ATG2A: variants seen among roughly 807,000 people sequenced by gnomAD.
The protein encoded by ATG2A is autophagy-related protein 2 homolog A.
ATG2A carries 103 observed loss-of-function variants against 214.2 expected under a neutral mutation model. That is an observed-to-expected ratio of 0.48 (90% CI 0.41 to 0.57). ATG2A has a LOEUF of 0.57. Among genes scored for constraint, ATG2A ranks in the 20% least tolerant of loss-of-function variants. The probability of loss-of-function intolerance (pLI) is 0.00; values close to 1 mark genes in which losing one functional copy is unlikely to be tolerated. For synonymous variants in ATG2A, 1,160 were observed against 1,142.1 expected, an observed-to-expected ratio of 1.02 and a Z score of -0.32; for missense variants, 2,312 against 2,613.2, an observed-to-expected ratio of 0.88 and a Z score of 2.51.
chr11:64,910,546 C>T (rs1944728333), intron 12 of ATG2A, 70 bp downstream of exon 12: 3 of 1,508,094 alleles, frequency 2.0e-6, no homozygotes, highest in African/African-American at 2.8e-5. Flanking sequence ...GCAGAGGAGG[C>T]CCTGGCAGAG....
intron 6 of ATG2A, 188 bp from the exon 7 acceptor site, chr11:64,912,611 G>A: frequency 1.7e-6 from 1 of 580,152 alleles, no homozygotes; most frequent in Non-Finnish European, 3.0e-6. Context: ...TCTTCTTTTT[G>A]AGATGGAGTT....
chr11:64,910,939 G>T lies in ATG2A; in HGVS notation c.1482C>A (p.Ala494=), dbSNP rs144361706. The T allele has an allele frequency of 2.7e-4, 443 of 1,613,200 alleles. No homozygotes were observed. The highest frequency in any genetic ancestry group is 3.5e-4 in the Non-Finnish European group (412 of 1,180,006). The stretch of plus-strand genomic sequence containing the variant: ...TCCGCAGCTCCCAGGACAGCTGCAC[G>T]GCTGTGCCCGTTAGCCTGCGGGGAA... ...PCSHVRLTGT[A]VQLSWELRTG... The change falls in exon 11 of 41, where the codon GCC becomes GCA. Residue 494 remains alanine (A), a synonymous_variant. Coordinates refer to ENST00000377264, the MANE Select transcript of ATG2A (RefSeq NM_015104.3).
intron 15 of ATG2A, 23 bp from the exon 16 acceptor site, chr11:64,909,173 C>T (rs778029458): frequency 6.2e-7 from 1 of 1,606,016 alleles, no homozygotes; most frequent in East Asian, 2.2e-5. Flanking sequence ...AGGCCTGTTA[C>T]TGGCCTGCAG....
chr11:64,916,933 G>C, intron 1 of ATG2A, 32 bp downstream of exon 1: 1 of 1,609,640 alleles, frequency 6.2e-7, no homozygotes, highest in Non-Finnish European at 8.5e-7. Context: ...CCCACCCTCC[G>C]CACCTTCCTG....
intron 12 of ATG2A, 59 bp downstream of exon 12, chr11:64,910,557 G>A: frequency 6.5e-7 from 1 of 1,535,732 alleles, no homozygotes; most frequent in Non-Finnish European, 8.8e-7. Flanking sequence ...CCTGGCAGAG[G>A]CCAGGGTGGG....
chr11:64,903,452 G>T lies in ATG2A; in HGVS notation c.3536-88C>A. 1.9e-6 allele frequency: 3 copies of T among 1,544,082 alleles called. No homozygotes were observed. The highest frequency in any genetic ancestry group is 2.3e-5 in the South Asian group (2 of 87,450). ...TGGGGGAAGGATCCGGTTGATCCAG[G>T]TGTAGTCCCTGCTGTGCGGGCTACG... On this transcript the variant is annotated intron_variant, in intron 25 of 40. Transcript: ENST00000377264. The surrounding 1 kb of genome is among the most constrained non-coding windows in gnomAD (Gnocchi z 4.2).
Position 64,907,375 on chromosome 11 carries a change from C to A in ATG2A, c.2712G>T (p.Val904=). 1 of 1,564,650 alleles carries A rather than the reference C, an allele frequency of 6.4e-7. No homozygotes were observed. Among genetic ancestry groups the A allele is most frequent in the South Asian group, 1.2e-5 (1 of 85,210 alleles). Residue 904 remains valine, a synonymous_variant, in exon 19 of 41, where the codon GTG becomes GTT. Coordinates refer to ENST00000377264, the MANE Select transcript of ATG2A (RefSeq NM_015104.3). ...SDDEDAHFFS[V]GASGGPQAAA... ...CGGCCTGTGGGCCACCTGATGCCCC[C>A]ACTGAGAAGAAGTGGGCATCCTCGT...
Position 64,913,996 on chromosome 11 carries a change from A to C in ATG2A, c.488-73T>G. 6.4e-7 allele frequency: 1 copy of C among 1,573,726 alleles called. No homozygotes were observed. The highest frequency in any genetic ancestry group is 8.6e-7 in the Non-Finnish European group (1 of 1,158,708). Reference sequence around the variant, plus strand: ...AGGCAGAATTTCCCATCTGGGCACCAGGGTGGCCGTGCCGTTGTCTGGAGC... The same window carrying C: ...AGGCAGAATTTCCCATCTGGGCACCCGGGTGGCCGTGCCGTTGTCTGGAGC... On this transcript the variant is annotated intron_variant, in intron 3 of 40. Transcript: ENST00000377264. The surrounding 1 kb of genome is among the most constrained non-coding windows in gnomAD (Gnocchi z 4.3).
chr11:64,906,106 C>T lies in ATG2A; in HGVS notation c.3264+7G>A, dbSNP rs1027768039. The T allele has an allele frequency of 1.7e-5, 26 of 1,568,224 alleles. No individual in the cohort carries two copies. Among genetic ancestry groups the T allele is most frequent in the South Asian group, 5.8e-5 (5 of 86,304 alleles). ...GGGCCATGTGGCTTCCCACCACCCACGCTCACCTGGGAATGCCAGCTCTGC... is the reference window on the plus strand; with the variant it reads ...GGGCCATGTGGCTTCCCACCACCCATGCTCACCTGGGAATGCCAGCTCTGC... On this transcript the variant is annotated splice_region_variant and intron_variant, in intron 22 of 40. Transcript: ENST00000377264.
At position 64,898,952 on chromosome 11, in the gene ATG2A, C is replaced by T. The variant is rs1344477081; in HGVS notation, c.4465-110G>A. 24 of 1,106,318 alleles carry T rather than the reference C, an allele frequency of 2.2e-5. No individual in the cohort carries two copies. The highest frequency in any genetic ancestry group is 2.9e-5 in the South Asian group (2 of 68,112). 68.5% of individuals were successfully genotyped at this position (1,106,318 alleles called of 1,614,324 possible). On this transcript the variant is annotated intron_variant, in intron 31 of 40. Coordinates refer to ENST00000377264, the MANE Select transcript of ATG2A (RefSeq NM_015104.3). The surrounding 1 kb of genome is among the most constrained non-coding windows in gnomAD (Gnocchi z 4.5). ...TTTTTGAGACAGAGTCTCACTCTGT[C>T]GCCCAGGTTGGAGTGCAGTGGCGTG...
rs773987028 is a variant in ATG2A, at chr11:64,913,852, G to A, written c.559C>T (p.Arg187Cys). ...RVEHSPGDGE[R>C]GVAVEVRVQR... is the part of the protein sequence containing the mutation. ...ACACGGACCTCGACGGCCACACCAC[G>A]TTCCCCATCACCCGGAGAGTGCTCC... The change falls in exon 4 of 41, where the codon CGT becomes TGT. Residue 187 changes from arginine (R) to cysteine (C), a missense_variant. Coordinates refer to ENST00000377264, the MANE Select transcript of ATG2A (RefSeq NM_015104.3). The surrounding 1 kb of genome is among the most constrained non-coding windows in gnomAD (Gnocchi z 4.3). 6 of 1,613,712 alleles carry A rather than the reference G, an allele frequency of 3.7e-6. No homozygotes were observed. Among genetic ancestry groups the A allele is most frequent in the African/African-American group, 1.3e-5 (1 of 74,878 alleles).
At chr11:64,905,908 C>A in intron 22 of ATG2A, 60 bp from the exon 23 acceptor site, 1 of 1,535,912 alleles carries the variant, frequency 6.5e-7, no homozygotes, top group Non-Finnish European at 9.0e-7. Context: ...CCTCCTCTAA[C>A]CCCTCCCTGT....
chr11:64,895,459 C>T lies in ATG2A; in HGVS notation c.5428-17G>A, dbSNP rs371557036. Reference sequence around the variant, plus strand: ...AGCTGTGGCCTGGGGGACATGGGAGCACTGGATGAGGACAGCTGGCTGGGG... The same window carrying T: ...AGCTGTGGCCTGGGGGACATGGGAGTACTGGATGAGGACAGCTGGCTGGGG... On this transcript the variant is annotated splice_polypyrimidine_tract_variant and intron_variant, in intron 39 of 40. Transcript: ENST00000377264. This position sits in a 1 kb window ranked among gnomAD's most constrained non-coding sequence, Gnocchi z 5.0. 134 of 1,543,758 alleles carry T rather than the reference C, an allele frequency of 8.7e-5. 1 individual carries two copies. In the African/African-American group the frequency reaches 1.6e-3, roughly 19 times the overall value.
chr11:64,902,090 C>G lies in ATG2A; in HGVS notation c.3991G>C (p.Gly1331Arg), dbSNP rs931684539. ...SGAPPPSPPV[G>R]GPAGSLGSCS... ...GACCCTAAGCTGCCAGCAGGGCCCC[C>G]GACAGGTGGTGAAGGGGGTGGGGCC... Residue 1331 changes from glycine to arginine, a missense_variant, in exon 29 of 41, where the codon GGG becomes CGG. Physicochemically the swap from Gly to Arg is moderately radical, Grantham distance 125. Transcript: ENST00000377264. The G allele has an allele frequency of 1.2e-6, 2 of 1,613,840 alleles. No individual in the cohort carries two copies. The highest frequency in any genetic ancestry group is 1.7e-6 in the Non-Finnish European group (2 of 1,180,014).
At chr11:64,914,539 C>A in intron 1 of ATG2A, 39 bp from the exon 2 acceptor site, 1 of 1,600,238 alleles carries the variant, frequency 6.2e-7, no homozygotes, top group Non-Finnish European at 8.5e-7. Flanking sequence ...TCAGGGAAAC[C>A]CCAAATCCCA....
intron 11 of ATG2A, 25 bp from the exon 12 acceptor site, chr11:64,910,733 C>T (rs768892247): frequency 8.7e-6 from 14 of 1,609,894 alleles, no homozygotes; most frequent in Non-Finnish European, 1.2e-5. Flanking sequence ...GGGAGGCACA[C>T]AGGGTCAGGC....
intron 22 of ATG2A, 27 bp from the exon 23 acceptor site, chr11:64,905,875 A>G (rs1206220818): frequency 6.2e-7 from 1 of 1,603,860 alleles, no homozygotes; most frequent in Admixed American, 1.7e-5. Context: ...AGGAGGAAGC[A>G]GTGAGGATCA....
At position 64,897,860 on chromosome 11, in the gene ATG2A, T is replaced by A; in HGVS notation, c.4973A>T (p.Asp1658Val). 6.3e-7 allele frequency: 1 copy of A among 1,599,158 alleles called. No homozygotes were observed. The highest frequency in any genetic ancestry group is 1.7e-5 in the Admixed American group (1 of 59,224). ...PGGGHSPSPP[D>V]QQPIYFREFR... ...CTACCTGAAGTAGATGGGCTGCTGG[T>A]CAGGAGGGGAGGGGCTGTGTCCACC... The change falls in exon 35 of 41, where the codon GAC (aspartate) becomes GTC (valine). Residue 1658 changes from aspartate (D) to valine (V), a missense_variant. Asp to Val is a radical substitution (Grantham distance 152). Coordinates refer to ENST00000377264, the MANE Select transcript of ATG2A (RefSeq NM_015104.3).
In ATG2A at chr11:64,911,912, A is replaced by T; in HGVS notation, c.1158T>A (p.Asp386Glu). 6.2e-7 allele frequency: 1 copy of T among 1,613,670 alleles called. No individual in the cohort carries two copies. Among genetic ancestry groups the T allele is most frequent in the Non-Finnish European group, 8.5e-7 (1 of 1,179,828 alleles). Residue 386 changes from aspartate (D) to glutamate (E), a missense_variant, in exon 9 of 41, where the codon GAT becomes GAA. Transcript: ENST00000377264. ...ASALSELSLS[D>E]VDLASSVRSD... ...TGCGCACAGAGGAGGCCAGGTCTACATCGGAGAGGGAGAGCTCAGAGAGGG... is the reference window on the plus strand; with the variant it reads ...TGCGCACAGAGGAGGCCAGGTCTACTTCGGAGAGGGAGAGCTCAGAGAGGG...
Sources: allele counts gnomAD v4.1 joint callset, GRCh38; gene constraint gnomAD v4.1.1; non-coding constraint Gnocchi (gnomAD v3.1); transcripts MANE v1.5; gene names NCBI Gene and HGNC (gene_info 2026-07-23, HGNC 2026-07-21).